GPC5: variants seen among roughly 807,000 people sequenced by gnomAD.
The protein encoded by GPC5 is glypican-5.
Under a neutral mutation model 53.9 loss-of-function variants are expected in GPC5, and 47 were observed. The ratio of observed to expected loss-of-function variants is 0.87; its 90% CI spans 0.69 to 1.11. The LOEUF is 1.11. GPC5 is among the 50% of genes most tolerant of loss of function. The pLI is 0.00. For missense variants in GPC5, 748 were observed against 713.1 expected (o/e 1.05, Z -0.56); for synonymous variants, 286 against 263.3 (o/e 1.09, Z -0.84).
At position 92,197,664 on chromosome 13, in the gene GPC5, A is replaced by ATT. The variant is rs10710747; in HGVS notation, c.1561+52689_1561+52690dup. On this transcript the variant is annotated intron_variant, in intron 7 of 7. Coordinates refer to ENST00000377067, the MANE Select transcript of GPC5 (RefSeq NM_004466.6). ...AGGGCATCGCCATCACATCTGGCTAATTTTTTTTTTTTTTTGTATTTTTGT... is the reference window on the plus strand; with the variant it reads ...AGGGCATCGCCATCACATCTGGCTAATTTTTTTTTTTTTTTTTGTATTTTTGT... Among the ~76,000 whole-genome samples, 286 of 142,080 alleles carry ATT rather than the reference A, an allele frequency of 2.0e-3. 2 individuals are homozygous for ATT. The highest frequency in any genetic ancestry group is 7.2e-3 in the African/African-American group (276 of 38,510). 93.2% of individuals were successfully genotyped at this position (142,080 alleles called of 152,430 possible).
At chr13:92,627,478 A>C (rs2139125200) in intron 7 of GPC5, among the ~76,000 whole-genome samples, 1 of 152,296 alleles carries the variant, frequency 6.6e-6, no homozygotes, top group Admixed American at 6.5e-5. Flanking sequence ...ATACATGCAG[A>C]GTTGCTTTAT....
intron 7 of GPC5, among the ~76,000 whole-genome samples, chr13:92,663,775 A>G (rs1474230776): frequency 2.2e-5 from 3 of 138,344 alleles, no homozygotes; most frequent in African/African-American, 5.3e-5. Context: ...TACACTATAT[A>G]TACACACACT....
chr13:92,445,247 TTC>T (rs150266642), intron 7 of GPC5, among the ~76,000 whole-genome samples: 12 of 144,264 alleles, frequency 8.3e-5, no homozygotes, highest in Admixed American at 2.1e-4. Context: ...TTCCTTTCCT[TTC>T]TCTCTCTCTC....
At position 92,674,375 on chromosome 13, in the gene GPC5, G is replaced by T. The variant is rs545379728; in HGVS notation, c.1562-191907G>T. Among the ~76,000 whole-genome samples, 194 of 152,206 alleles carry T rather than the reference G, an allele frequency of 1.3e-3. 4 individuals are homozygous for T. The highest frequency in any genetic ancestry group is 4.6e-3 in the African/African-American group (190 of 41,538). On this transcript the variant is annotated intron_variant, in intron 7 of 7. Coordinates refer to ENST00000377067, the MANE Select transcript of GPC5 (RefSeq NM_004466.6). ...AAGTGTGCTTAAAAGTTATCTGGCTGCCCTCTTAGAAGTTTGCATAAAAAC... is the reference window on the plus strand; with the variant it reads ...AAGTGTGCTTAAAAGTTATCTGGCTTCCCTCTTAGAAGTTTGCATAAAAAC...
chr13:92,257,367 AC>A (rs1346692432), intron 7 of GPC5, among the ~76,000 whole-genome samples: 1 of 151,960 alleles, frequency 6.6e-6, no homozygotes, highest in African/African-American at 2.4e-5. Flanking sequence ...AATATGTGAT[AC>A]TTAGGTATGA....
chr13:92,613,394 A>ATTATATTAT (rs1884528265), intron 7 of GPC5, among the ~76,000 whole-genome samples: 1 of 64,750 alleles, frequency 1.5e-5, no homozygotes, highest in Admixed American at 2.9e-4. Context: ...ATTATATATA[A>ATTATATTAT]ATATATATTA....
At chr13:92,823,891 C>G (rs1877755910) in intron 7 of GPC5, among the ~76,000 whole-genome samples, 1 of 152,032 alleles carries the variant, frequency 6.6e-6, no homozygotes, top group Non-Finnish European at 1.5e-5. Flanking sequence ...TACCACTTAT[C>G]TCAATACCAA....
chr13:91,625,097 C>A (rs976993242), intron 2 of GPC5, among the ~76,000 whole-genome samples: 8 of 151,474 alleles, frequency 5.3e-5, no homozygotes, highest in Non-Finnish European at 8.8e-5. Context: ...TCAATAAGAA[C>A]CCTGTTGAAG....
intron 2 of GPC5, among the ~76,000 whole-genome samples, chr13:91,576,136 G>A (rs1178821210): frequency 6.6e-6 from 1 of 151,952 alleles, no homozygotes; most frequent in Admixed American, 6.6e-5. Context: ...TTGGTCAAAA[G>A]GTACAAAATT....
At chr13:92,565,721 T>A (rs1415188671) in intron 7 of GPC5, among the ~76,000 whole-genome samples, 1 of 152,108 alleles carries the variant, frequency 6.6e-6, no homozygotes, top group East Asian at 1.9e-4. Context: ...GAAATTTACA[T>A]TCATTTGCCA....
intron 5 of GPC5, among the ~76,000 whole-genome samples, chr13:91,889,850 A>G (rs562706299): frequency 1.4e-4 from 22 of 152,342 alleles, no homozygotes; most frequent in African/African-American, 5.0e-4. Context: ...TGATTGCACA[A>G]TTCATACTTA....
rs1036478484 is a variant in GPC5 at position 92,374,122 on chromosome 13, C to G, written c.1561+229133C>G. Among the ~76,000 whole-genome samples, 3 of 152,100 alleles carry G rather than the reference C, an allele frequency of 2.0e-5. No homozygotes were observed. The South Asian group carries it at 6.2e-4, about 32-fold the overall frequency. On this transcript the variant is annotated intron_variant, in intron 7 of 7. Coordinates refer to ENST00000377067, the MANE Select transcript of GPC5 (RefSeq NM_004466.6). The stretch of plus-strand genomic sequence containing the variant: ...ATAGAATCGAACTTGATAAATTCTT[C>G]CTTTAGCTAAAAGAAACCATGGTAT...
At chr13:92,733,182 G>C (rs1171638704) in intron 7 of GPC5, among the ~76,000 whole-genome samples, 1 of 151,528 alleles carries the variant, frequency 6.6e-6, no homozygotes, top group Non-Finnish European at 1.5e-5. Context: ...ATAACATTAA[G>C]AATAAAATAC....
In GPC5 at chr13:92,325,483, C is replaced by T. The variant is rs545654497; in HGVS notation, c.1561+180494C>T. 6.6e-5 allele frequency among the ~76,000 whole-genome samples: 10 copies of T among 151,986 alleles called. No homozygotes were observed. In the South Asian group the frequency reaches 1.5e-3, roughly 22 times the overall value. Reference sequence around the variant, plus strand: ...TAAATGAATATACAGTACCAGAGACCAATTAGATTAGCTCTGTTGTTGTGA... The same window carrying T: ...TAAATGAATATACAGTACCAGAGACTAATTAGATTAGCTCTGTTGTTGTGA... On this transcript the variant is annotated intron_variant, in intron 7 of 7. Transcript: ENST00000377067.
intron 7 of GPC5, among the ~76,000 whole-genome samples, chr13:92,284,201 TC>T (rs2042936813): frequency 6.6e-6 from 1 of 152,076 alleles, no homozygotes; most frequent in Admixed American, 6.5e-5. Flanking sequence ...AGAAGTTGAA[TC>T]CCTGAATAGA....
chr13:92,365,258 TATA>T (rs1488362625), intron 7 of GPC5, among the ~76,000 whole-genome samples: 4 of 151,720 alleles, frequency 2.6e-5, no homozygotes, highest in Admixed American at 1.3e-4. Flanking sequence ...TGTAGGCAAT[TATA>T]ATAAAATGGT....
chr13:92,254,446 C>T (rs943669715), intron 7 of GPC5, among the ~76,000 whole-genome samples: 1 of 151,956 alleles, frequency 6.6e-6, no homozygotes, highest in African/African-American at 2.4e-5. Context: ...CCTCTTTGAC[C>T]AGAAAAGGGA....
At chr13:92,604,341 A>C (rs1245469482) in intron 7 of GPC5, among the ~76,000 whole-genome samples, 1 of 152,210 alleles carries the variant, frequency 6.6e-6, no homozygotes, top group East Asian at 1.9e-4. Context: ...GTGGTTTAAC[A>C]TAATATTTGT....
chr13:92,031,699 ATAT>A, intron 6 of GPC5, among the ~76,000 whole-genome samples: 1 of 86,510 alleles, frequency 1.2e-5, no homozygotes, highest in Non-Finnish European at 2.2e-5. Context: ...TATATATAAT[ATAT>A]TATATATATT....
Sources: allele counts gnomAD v4.1 joint callset (sites outside exome capture counted in the v4.1 genomes callset), GRCh38; gene constraint gnomAD v4.1.1; transcripts MANE v1.5; gene names NCBI Gene and HGNC (gene_info 2026-07-23, HGNC 2026-07-21).